NFAT5: variants seen among roughly 807,000 people sequenced by gnomAD.
NFAT5 encodes the protein nuclear factor of activated T-cells 5.
NFAT5 carries 31 observed loss-of-function variants against 166.5 expected under a neutral mutation model. The ratio of observed to expected loss-of-function variants is 0.19; its 90% CI spans 0.14 to 0.25. The LOEUF is 0.25. Ranked by LOEUF, NFAT5 falls within the 10% of genes least tolerant of loss-of-function variation. NFAT5 has a pLI of 1.00. For synonymous variants in NFAT5, 612 were observed against 639.7 expected (o/e 0.96, Z 0.65); for missense variants, 1,449 against 1,821.8 (o/e 0.80, Z 3.72).
intron 3 of NFAT5, among the ~76,000 whole-genome samples, chr16:69,628,298 A>G (rs1439481489): frequency 2.0e-5 from 3 of 152,152 alleles, no homozygotes; most frequent in South Asian, 2.1e-4. Context: ...GAGTTGAAAA[A>G]TCATGAAAAT....
intron 2 of NFAT5, among the ~76,000 whole-genome samples, chr16:69,617,591 A>T (rs1296425556): frequency 6.6e-6 from 1 of 151,258 alleles, no homozygotes; most frequent in Non-Finnish European, 1.5e-5. Flanking sequence ...CCTGGGCTCA[A>T]GCAGTCCTCC....
chr16:69,674,068 C>G (rs1001306183), intron 9 of NFAT5, among the ~76,000 whole-genome samples: 14 of 151,826 alleles, frequency 9.2e-5, no homozygotes, highest in Non-Finnish European at 2.1e-4. Context: ...TATGGCAAAA[C>G]CCCATCTCTA....
chr16:69,566,411 G>A lies in NFAT5; in HGVS notation c.73+37G>A. ...TGTGGGGGGTGGGGCGTGGGGGCGG[G>A]GAGACAGGGAGACAGGGAGACAGGG... On this transcript the variant is annotated intron_variant, in intron 1 of 14. Transcript: ENST00000349945. The surrounding 1 kb of genome is among the most constrained non-coding windows in gnomAD (Gnocchi z 5.7). 8.4e-7 allele frequency: 1 copy of A among 1,192,288 alleles called. No individual in the cohort carries two copies. The highest frequency in any genetic ancestry group is 1.2e-6 in the Non-Finnish European group (1 of 843,232). The allele number at this position is 1,192,288 out of a possible 1,614,324, so 73.9% of individuals were successfully genotyped here. A position where few individuals can be genotyped will look rare whatever the true frequency, so the allele number is the denominator to read the frequency against.
intron 2 of NFAT5, among the ~76,000 whole-genome samples, chr16:69,571,058 G>T (rs182928078): frequency 6.8e-6 from 1 of 147,634 alleles, no homozygotes; most frequent in East Asian, 2.0e-4. Context: ...AAGAACTCCT[G>T]AGGTGGGCAT....
intron 4 of NFAT5, among the ~76,000 whole-genome samples, chr16:69,651,751 A>T (rs192219828): frequency 1.1e-3 from 173 of 151,758 alleles, no homozygotes; most frequent in Non-Finnish European, 1.3e-3. Flanking sequence ...GCTCACTGCA[A>T]CCTGCACCTC....
rs1309106639 is a variant in NFAT5, at chr16:69,692,637, G to A, written c.2812G>A (p.Ala938Thr). 1.2e-6 allele frequency: 2 copies of A among 1,614,208 alleles called. No individual in the cohort carries two copies. Among genetic ancestry groups the A allele is most frequent in the Non-Finnish European group, 1.7e-6 (2 of 1,180,040 alleles). The change falls in exon 13 of 15, where the codon GCT becomes ACT. Residue 938 changes from alanine to threonine, a missense_variant. Ala to Thr is a moderately conservative substitution (Grantham distance 58, BLOSUM62 0). Coordinates refer to ENST00000349945, the MANE Select transcript of NFAT5 (RefSeq NM_138713.4). ...QIQSELFPST[A>T]SANGNLQQSP... Reference sequence around the variant, plus strand: ...TCAGTCAGAGTTATTCCCTTCAACTGCTTCAGCAAATGGAAACCTTCAGCA... The same window carrying A: ...TCAGTCAGAGTTATTCCCTTCAACTACTTCAGCAAATGGAAACCTTCAGCA...
intron 3 of NFAT5, among the ~76,000 whole-genome samples, chr16:69,638,214 G>C (rs976498591): frequency 6.6e-6 from 1 of 152,006 alleles, no homozygotes; most frequent in Non-Finnish European, 1.5e-5. Flanking sequence ...GTGAGACTGT[G>C]TCTCAAAAAC....
chr16:69,568,362 GTGTGTGTGTGTGTGTA>G (rs1567505425), intron 1 of NFAT5, 117 bp from the exon 2 acceptor site: 8 of 366,128 alleles, frequency 2.2e-5, no homozygotes, highest in East Asian at 2.2e-4. Context: ...GTGTGTGTGT[GTGTGTGTGTGTGTGTA>G]TATATATATA....
chr16:69,566,035 C>G lies in NFAT5; in HGVS notation c.-267C>G. On this transcript the variant is annotated 5_prime_UTR_variant, in exon 1 of 15. Coordinates refer to ENST00000349945, the MANE Select transcript of NFAT5 (RefSeq NM_138713.4). The surrounding 1 kb of genome is among the most constrained non-coding windows in gnomAD (Gnocchi z 5.7). ...TCGCTGAGGAGAAACACGAAACGGACCCTTTGGCTCTCCCCCTTCCCCTTC... is the reference window on the plus strand; with the variant it reads ...TCGCTGAGGAGAAACACGAAACGGAGCCTTTGGCTCTCCCCCTTCCCCTTC... 1 of 447,802 alleles carries G rather than the reference C, an allele frequency of 2.2e-6. No individual in the cohort carries two copies. Among genetic ancestry groups the G allele is most frequent in the East Asian group, 4.6e-5 (1 of 21,514 alleles). 27.7% of individuals were successfully genotyped at this position (447,802 alleles called of 1,614,324 possible).
At chr16:69,600,110 A>G (rs2033044592) in intron 2 of NFAT5, among the ~76,000 whole-genome samples, 1 of 151,784 alleles carries the variant, frequency 6.6e-6, no homozygotes, top group Non-Finnish European at 1.5e-5. Flanking sequence ...ATTCTCGATT[A>G]GAAAAGTGAG....
chr16:69,570,574 TTTAA>T (rs1171227982), intron 2 of NFAT5, among the ~76,000 whole-genome samples: 2 of 151,904 alleles, frequency 1.3e-5, no homozygotes, highest in East Asian at 1.9e-4. Flanking sequence ...ATTGATATAA[TTTAA>T]TTGTTAATAT....
chr16:69,636,290 C>T (rs1315871713), intron 3 of NFAT5, among the ~76,000 whole-genome samples: 1 of 152,186 alleles, frequency 6.6e-6, no homozygotes, highest in South Asian at 2.1e-4. Context: ...CTTCCAGCTG[C>T]TTTCATGGGC....
At chr16:69,657,529 G>T (rs1381717929) in intron 6 of NFAT5, among the ~76,000 whole-genome samples, 1 of 151,138 alleles carries the variant, frequency 6.6e-6, no homozygotes, top group Non-Finnish European at 1.5e-5. Flanking sequence ...GGGAGGCCGA[G>T]GCAGGTGGAT....
Position 69,646,993 on chromosome 16 carries a change from G to A in NFAT5, c.254-35G>A, listed in dbSNP as rs759630151. 4.7e-6 allele frequency: 7 copies of A among 1,488,210 alleles called. No homozygotes were observed. In the East Asian group the frequency reaches 9.1e-5, roughly 19 times the overall value. 92.2% of individuals were successfully genotyped at this position (1,488,210 alleles called of 1,614,324 possible). On this transcript the variant is annotated intron_variant, in intron 3 of 14. Transcript: ENST00000349945. ...TGCTAGCCAGCATAGGTGAAAACAT[G>A]TATAGTGTATTTACTCTTGAATTGT...
rs1381847669 is a variant in NFAT5 at position 69,693,697 on chromosome 16, A to G, written c.3872A>G (p.Gln1291Arg). The G allele has an allele frequency of 2.5e-6, 4 of 1,614,264 alleles. No individual in the cohort carries two copies. The highest frequency in any genetic ancestry group is 3.4e-6 in the Non-Finnish European group (4 of 1,180,048). Residue 1291 changes from glutamine to arginine, a missense_variant, in exon 13 of 15, where the codon CAG becomes CGG. By Grantham distance (43) the Gln-to-Arg change is conservative (BLOSUM62 1). Coordinates refer to ENST00000349945, the MANE Select transcript of NFAT5 (RefSeq NM_138713.4). ...CAACAGAGCATTTTATTCAGTAATCAGAATACCATGGCTACAATGGCGTCT... is the reference window on the plus strand; with the variant it reads ...CAACAGAGCATTTTATTCAGTAATCGGAATACCATGGCTACAATGGCGTCT... ...QQQQSILFSN[Q>R]NTMATMASPK...
At chr16:69,585,513 C>T (rs1230578019) in intron 2 of NFAT5, among the ~76,000 whole-genome samples, 3 of 152,090 alleles carry the variant, frequency 2.0e-5, no homozygotes, top group Non-Finnish European at 2.9e-5. Context: ...CAAACAGATA[C>T]TAATGCACTA....
At chr16:69,669,228 C>T (rs2036527368) in intron 7 of NFAT5, among the ~76,000 whole-genome samples, 1 of 152,106 alleles carries the variant, frequency 6.6e-6, no homozygotes, top group African/African-American at 2.4e-5. Context: ...TGTATTGGCA[C>T]TCAAAAAGTT....
intron 1 of NFAT5, among the ~76,000 whole-genome samples, chr16:69,568,051 G>C (rs893019794): frequency 1.3e-5 from 2 of 152,138 alleles, no homozygotes; most frequent in African/African-American, 4.8e-5. Flanking sequence ...AGTGGCTCAC[G>C]CCTGTATTCC....
Position 69,566,485 on chromosome 16 carries a change from ACC to A in NFAT5, c.73+115_73+116del. ...TCCCGCCGGGGGCGGCTGAGCCGCG[ACC>A]CCCATGGCTTCTTTGGCCGGAGCGG... On this transcript the variant is annotated intron_variant, in intron 1 of 14. Transcript: ENST00000349945. The surrounding 1 kb of genome is among the most constrained non-coding windows in gnomAD (Gnocchi z 5.7). 1.1e-6 allele frequency: 1 copy of A among 908,802 alleles called. No homozygotes were observed. The highest frequency in any genetic ancestry group is 1.7e-5 in the African/African-American group (1 of 59,614). 56.3% of individuals were successfully genotyped at this position (908,802 alleles called of 1,614,324 possible).
Sources: allele counts gnomAD v4.1 joint callset (sites outside exome capture counted in the v4.1 genomes callset), GRCh38; gene constraint gnomAD v4.1.1; non-coding constraint Gnocchi (gnomAD v3.1); transcripts MANE v1.5; gene names NCBI Gene and HGNC (gene_info 2026-07-23, HGNC 2026-07-21).